The following SUPT3H variants were observed in gnomAD, a reference collection of about 807,000 sequenced individuals.
SUPT3H encodes the protein SPT3 homolog, SAGA and STAGA complex component.
In SUPT3H, 44 loss-of-function variants were observed where a neutral mutation model predicts 44.3. That is an observed-to-expected ratio of 0.99 (90% CI 0.78 to 1.28). The LOEUF (loss-of-function observed/expected upper bound fraction) is 1.28. Ranked by LOEUF, SUPT3H falls within the 50% of genes most tolerant of loss-of-function variation. SUPT3H has a pLI of 0.00. For missense variants in SUPT3H, 380 were observed against 387.1 expected (o/e 0.98, Z 0.15); for synonymous variants, 124 against 125.6 (o/e 0.99, Z 0.09).
At chr6:45,043,107 A>G (rs1356757197) in intron 3 of SUPT3H, among the ~76,000 whole-genome samples, 1 of 150,494 alleles carries the variant, frequency 6.6e-6, no homozygotes, top group Non-Finnish European at 1.5e-5. Context: ...TAAGAAGTAC[A>G]CTTTTCTGGG....
intron 3 of SUPT3H, among the ~76,000 whole-genome samples, chr6:45,089,674 G>T (rs1796898144): frequency 1.4e-5 from 1 of 73,258 alleles, no homozygotes; most frequent in Non-Finnish European, 2.6e-5. Context: ...CTTGCATATT[G>T]CAGCTCTACA....
intron 10 of SUPT3H, among the ~76,000 whole-genome samples, chr6:44,834,032 T>C (rs994429427): frequency 3.3e-5 from 5 of 152,154 alleles, no homozygotes; most frequent in South Asian, 2.1e-4. Context: ...GTATAGAACA[T>C]TGCACCCAAA....
intron 2 of SUPT3H, among the ~76,000 whole-genome samples, chr6:45,234,879 A>G (rs1339876711): frequency 6.6e-6 from 1 of 152,182 alleles, no homozygotes; most frequent in African/African-American, 2.4e-5. Flanking sequence ...AACACTCCCA[A>G]GTCCTTAAAA....
intron 2 of SUPT3H, among the ~76,000 whole-genome samples, chr6:45,208,621 C>A (rs549741010): frequency 6.6e-6 from 1 of 151,246 alleles, no homozygotes; most frequent in Admixed American, 6.6e-5. Context: ...CTGTTCAGGA[C>A]GCTGAGACAG....
intron 2 of SUPT3H, among the ~76,000 whole-genome samples, chr6:45,132,467 A>G (rs887891699): frequency 6.6e-6 from 1 of 152,190 alleles, no homozygotes; most frequent in Admixed American, 6.5e-5. Context: ...ACAGGATAGA[A>G]GAGCAAATCT....
chr6:44,810,718 C>A (rs1222456332), intron 11 of SUPT3H, among the ~76,000 whole-genome samples: 1 of 151,738 alleles, frequency 6.6e-6, no homozygotes, highest in African/African-American at 2.4e-5. Context: ...CCATCCTGGC[C>A]AACATGGTGA....
chr6:45,260,517 CATA>C (rs1352370025), intron 2 of SUPT3H, among the ~76,000 whole-genome samples: 1 of 152,072 alleles, frequency 6.6e-6, no homozygotes, highest in African/African-American at 2.4e-5. Context: ...GAATGATAAT[CATA>C]ATAAATCATT....
At chr6:45,134,558 A>T (rs1175864375) in intron 2 of SUPT3H, among the ~76,000 whole-genome samples, 1 of 152,208 alleles carries the variant, frequency 6.6e-6, no homozygotes, top group East Asian at 1.9e-4. Flanking sequence ...GGCATGATAC[A>T]TACTGAGGCA....
intron 10 of SUPT3H, among the ~76,000 whole-genome samples, chr6:44,911,444 C>T (rs1185976903): frequency 6.6e-6 from 1 of 152,162 alleles, no homozygotes; most frequent in Non-Finnish European, 1.5e-5. Flanking sequence ...CGATGCATTA[C>T]TTACGGCATA....
intron 11 of SUPT3H, among the ~76,000 whole-genome samples, chr6:44,812,230 T>G (rs1766582572): frequency 6.6e-6 from 1 of 152,216 alleles, no homozygotes; most frequent in East Asian, 1.9e-4. Flanking sequence ...TGTTTTTTTC[T>G]GGAGGCTATA....
intron 2 of SUPT3H, among the ~76,000 whole-genome samples, chr6:45,351,212 T>C (rs764741554): frequency 1.2e-4 from 18 of 151,866 alleles, no homozygotes; most frequent in Non-Finnish European, 2.2e-4. Context: ...AAAATTATGC[T>C]CTAAATTAGT....
chr6:45,161,321 T>TA (rs1397799403), intron 2 of SUPT3H, among the ~76,000 whole-genome samples: 3 of 152,256 alleles, frequency 2.0e-5, no homozygotes, highest in African/African-American at 7.2e-5. Context: ...GGCCTGACTA[T>TA]AAAGGTGACT....
intron 6 of SUPT3H, among the ~76,000 whole-genome samples, chr6:44,970,832 A>T (rs907300928): frequency 1.3e-5 from 2 of 152,232 alleles, no homozygotes; most frequent in Non-Finnish European, 2.9e-5. Context: ...AATTTAGTTC[A>T]TACTTTCTCT....
At chr6:44,848,132 A>AT (rs71536341) in intron 10 of SUPT3H, among the ~76,000 whole-genome samples, 63,182 of 148,568 alleles carry the variant, frequency 0.43, 14,787 homozygotes, top group Non-Finnish European at 0.53. Context: ...CACTCAGCTA[A>AT]TTTTTTTTTG....
chr6:45,224,230 A>C (rs1049063596), intron 2 of SUPT3H, among the ~76,000 whole-genome samples: 1 of 151,858 alleles, frequency 6.6e-6, no homozygotes, highest in Non-Finnish European at 1.5e-5. Flanking sequence ...TGTATTGTCT[A>C]TTTAAAGATG....
At chr6:44,848,427 G>T (rs1772281669) in intron 10 of SUPT3H, among the ~76,000 whole-genome samples, 1 of 152,146 alleles carries the variant, frequency 6.6e-6, no homozygotes, top group South Asian at 2.1e-4. Flanking sequence ...CAGGCCCCAG[G>T]CATCAATTCC....
At chr6:45,026,595 T>C (rs1786042816) in intron 3 of SUPT3H, among the ~76,000 whole-genome samples, 1 of 152,186 alleles carries the variant, frequency 6.6e-6, no homozygotes, top group South Asian at 2.1e-4. Flanking sequence ...TTATGACAGA[T>C]AGGAATACCT....
intron 10 of SUPT3H, among the ~76,000 whole-genome samples, chr6:44,928,897 A>AAAAAAAAAAAAAAAAAT (rs1770036943): frequency 7.3e-6 from 1 of 137,166 alleles, no homozygotes; most frequent in Non-Finnish European, 1.6e-5. Context: ...AAAAAAAAAA[A>AAAAAAAAAAAAAAAAAT]AAAAAAAGAA....
intron 2 of SUPT3H, among the ~76,000 whole-genome samples, chr6:45,203,432 T>C (rs1381569628): frequency 6.6e-6 from 1 of 152,212 alleles, no homozygotes; most frequent in Non-Finnish European, 1.5e-5. Context: ...CCACCTGTTA[T>C]TCAGACTATC....
Sources: allele counts gnomAD v4.1 joint callset (sites outside exome capture counted in the v4.1 genomes callset), GRCh38; gene constraint gnomAD v4.1.1; transcripts MANE v1.5; gene names NCBI Gene and HGNC (gene_info 2026-07-23, HGNC 2026-07-21).